LHFPL3: variants seen among roughly 807,000 people sequenced by gnomAD.
LHFPL3 encodes LHFPL tetraspan subfamily member 3, also known as LHFPL tetraspan subfamily member 3 protein.
A neutral mutation model predicts 19.3 loss-of-function variants in LHFPL3; 5 were observed. That is an observed-to-expected ratio of 0.26 (90% CI 0.14 to 0.54). The LOEUF (loss-of-function observed/expected upper bound fraction) is 0.54, where lower values mean the gene tolerates loss of function less well. Among genes scored for constraint, LHFPL3 ranks in the 20% least tolerant of loss-of-function variants. The pLI is 0.94. For missense variants in LHFPL3, 249 were observed against 307.4 expected (o/e 0.81, Z 1.42); for synonymous variants, 133 against 126.2 (o/e 1.05, Z -0.36).
chr7:104,838,478 C>T (rs1446764019), intron 2 of LHFPL3, among the ~76,000 whole-genome samples: 1 of 152,216 alleles, frequency 6.6e-6, no homozygotes, highest in African/African-American at 2.4e-5. Flanking sequence ...AGTATAAAGA[C>T]ACCCAGAATT....
At chr7:104,556,060 T>G (rs1197362690) in intron 1 of LHFPL3, among the ~76,000 whole-genome samples, 1 of 152,252 alleles carries the variant, frequency 6.6e-6, no homozygotes, top group Non-Finnish European at 1.5e-5. Flanking sequence ...GATCTGCCCC[T>G]GTGGCTTTTC....
intron 1 of LHFPL3, among the ~76,000 whole-genome samples, chr7:104,731,701 T>C (rs1793708656): frequency 6.6e-6 from 1 of 151,782 alleles, no homozygotes; most frequent in East Asian, 1.9e-4. Context: ...TTTTCCTAAT[T>C]GAATACCCTT....
chr7:104,723,839 G>A (rs1356461698), intron 1 of LHFPL3, among the ~76,000 whole-genome samples: 1 of 150,740 alleles, frequency 6.6e-6, no homozygotes, highest in Non-Finnish European at 1.5e-5. Flanking sequence ...TTTCCTAGGT[G>A]ACATTTTAAT....
intron 1 of LHFPL3, among the ~76,000 whole-genome samples, chr7:104,472,546 C>A (rs2115621821): frequency 6.6e-6 from 1 of 152,276 alleles, no homozygotes; most frequent in Middle Eastern, 3.4e-3. Flanking sequence ...CTTTTACATG[C>A]ATATGTATGC....
chr7:104,447,116 G>T (rs1792344635), intron 1 of LHFPL3, among the ~76,000 whole-genome samples: 1 of 152,160 alleles, frequency 6.6e-6, no homozygotes, highest in African/African-American at 2.4e-5. Context: ...CTGCAGCTCT[G>T]TAATACCTTT....
Position 104,328,647 on chromosome 7 carries a change from C to G in LHFPL3, c.-133C>G. 6.5e-6 allele frequency: 5 copies of G among 766,630 alleles called. No homozygotes were observed. Among genetic ancestry groups the G allele is most frequent in the South Asian group, 3.4e-5 (2 of 58,556 alleles). 47.5% of individuals were successfully genotyped at this position (766,630 alleles called of 1,614,324 possible). On this transcript the variant is annotated 5_prime_UTR_variant, in exon 1 of 3. Coordinates refer to ENST00000424859, the MANE Select transcript of LHFPL3 (RefSeq NM_199000.3). This position sits in a 1 kb window ranked among gnomAD's most constrained non-coding sequence, Gnocchi z 4.6. ...GGGAGCGAGGATGCAGACTCTGAAACTGGTGCTGCTGGGCTGAGGCGGAGG... is the reference window on the plus strand; with the variant it reads ...GGGAGCGAGGATGCAGACTCTGAAAGTGGTGCTGCTGGGCTGAGGCGGAGG...
At chr7:104,364,271 A>G (rs1316218573) in intron 1 of LHFPL3, among the ~76,000 whole-genome samples, 2 of 152,116 alleles carry the variant, frequency 1.3e-5, no homozygotes, top group Non-Finnish European at 2.9e-5. Context: ...GGGTGGGGGG[A>G]CTTGTTTACT....
chr7:104,505,263 A>G (rs1336787796), intron 1 of LHFPL3, among the ~76,000 whole-genome samples: 4 of 152,354 alleles, frequency 2.6e-5, no homozygotes, highest in Admixed American at 6.5e-5. Context: ...ATTATATTCA[A>G]TGATGAACAG....
rs1790614763 is a variant in LHFPL3 at position 104,818,664 on chromosome 7, T to C, written c.682+81753T>C. On this transcript the variant is annotated intron_variant, in intron 2 of 2. Coordinates refer to ENST00000424859, the MANE Select transcript of LHFPL3 (RefSeq NM_199000.3). Reference sequence around the variant, plus strand: ...AACCTAAATTTCAGATGTTCAAAAGTACTGAGAGAGGGGAAACTCGGGCAA... The same window carrying C: ...AACCTAAATTTCAGATGTTCAAAAGCACTGAGAGAGGGGAAACTCGGGCAA... Among the ~76,000 whole-genome samples the C allele has an allele frequency of 2.0e-5, 3 of 152,258 alleles. No individual in the cohort carries two copies. The South Asian group carries it at 6.2e-4, about 32-fold the overall frequency.
intron 1 of LHFPL3, among the ~76,000 whole-genome samples, chr7:104,585,023 A>G (rs1250312156): frequency 6.6e-6 from 1 of 152,154 alleles, no homozygotes; most frequent in Admixed American, 6.6e-5. Flanking sequence ...ATTACACTGC[A>G]GTCCTTCCAT....
chr7:104,522,974 G>C lies in LHFPL3; in HGVS notation c.445+193750G>C, dbSNP rs200571866. 1.4e-4 allele frequency among the ~76,000 whole-genome samples: 7 copies of C among 50,368 alleles called. No individual in the cohort carries two copies. The East Asian group carries it at 2.0e-3, about 14-fold the overall frequency. The allele number at this position is 50,368 out of a possible 152,430, so 33.0% of individuals were successfully genotyped here. A position where few individuals can be genotyped will look rare whatever the true frequency, so the allele number is the denominator to read the frequency against. On this transcript the variant is annotated intron_variant, in intron 1 of 2. Coordinates refer to ENST00000424859, the MANE Select transcript of LHFPL3 (RefSeq NM_199000.3). ...TCTGTCTCTCTCTCTATATATATCT[G>C]TGTGTGTGTGTGTGTGTATGCACAC...
chr7:104,880,112 T>G (rs1179258460), intron 2 of LHFPL3, among the ~76,000 whole-genome samples: 1 of 152,018 alleles, frequency 6.6e-6, no homozygotes, highest in Non-Finnish European at 1.5e-5. Flanking sequence ...CTAAATCTCA[T>G]GTTGAAATGT....
chr7:104,707,275 C>T (rs567409445), intron 1 of LHFPL3, among the ~76,000 whole-genome samples: 153 of 152,282 alleles, frequency 1.0e-3, no homozygotes, highest in Non-Finnish European at 1.9e-3. Flanking sequence ...TTCTAACCAT[C>T]CAGTTCACTG....
chr7:104,672,848 A>C (rs1189819192), intron 1 of LHFPL3, among the ~76,000 whole-genome samples: 4 of 151,340 alleles, frequency 2.6e-5, no homozygotes, highest in Non-Finnish European at 5.9e-5. Context: ...GAATGGCTTC[A>C]TGTTGCTGCC....
intron 1 of LHFPL3, among the ~76,000 whole-genome samples, chr7:104,517,607 A>G (rs1793946144): frequency 6.6e-6 from 1 of 151,094 alleles, no homozygotes; most frequent in African/African-American, 2.4e-5. Flanking sequence ...CCCAGGTTCA[A>G]GCGATCTTCC....
At chr7:104,594,070 C>T (rs1790788334) in intron 1 of LHFPL3, among the ~76,000 whole-genome samples, 1 of 152,114 alleles carries the variant, frequency 6.6e-6, no homozygotes, top group Non-Finnish European at 1.5e-5. Flanking sequence ...GAATTTGATC[C>T]TGTCATTATG....
chr7:104,559,781 A>C (rs1380526186), intron 1 of LHFPL3, among the ~76,000 whole-genome samples: 3 of 150,684 alleles, frequency 2.0e-5, no homozygotes, highest in African/African-American at 7.5e-5. Context: ...GAATGCTTCC[A>C]GTTTTTGCCC....
intron 1 of LHFPL3, among the ~76,000 whole-genome samples, chr7:104,354,120 G>A (rs908865541): frequency 1.3e-5 from 2 of 152,116 alleles, no homozygotes; most frequent in Non-Finnish European, 1.5e-5. Flanking sequence ...TTCTGCTATA[G>A]ATTTATTTCT....
At chr7:104,354,301 G>A (rs1319465940) in intron 1 of LHFPL3, among the ~76,000 whole-genome samples, 1 of 152,198 alleles carries the variant, frequency 6.6e-6, no homozygotes, top group Admixed American at 6.5e-5. Context: ...GGCAACAGAT[G>A]CCCAGATTGC....
Sources: gnomAD v4.1 joint callset for allele counts (sites outside exome capture counted in the v4.1 genomes callset) on GRCh38, gnomAD v4.1.1 for gene constraint, Gnocchi (gnomAD v3.1) non-coding constraint, MANE v1.5 for transcripts, NCBI Gene and HGNC (gene_info 2026-07-23, HGNC 2026-07-21) for gene names.